Variants in RALGAPA2 observed in about 807,000 individuals in gnomAD.
The protein encoded by RALGAPA2 is ral GTPase-activating protein subunit alpha-2.
RALGAPA2 carries 139 observed loss-of-function variants against 230.4 expected under a neutral mutation model. The ratio of observed to expected loss-of-function variants is 0.60; its 90% CI spans 0.53 to 0.69. RALGAPA2 has a LOEUF of 0.69. Among genes scored for constraint, RALGAPA2 ranks in the 30% least tolerant of loss-of-function variants. RALGAPA2 has a pLI of 0.00. For missense variants in RALGAPA2, 2,163 were observed against 2,276.0 expected (o/e 0.95, Z 1.01); for synonymous variants, 847 against 837.8 (o/e 1.01, Z -0.19).
chr20:20,582,003 C>G (rs1013265653), intron 20 of RALGAPA2, among the ~76,000 whole-genome samples: 1 of 152,114 alleles, frequency 6.6e-6, no homozygotes, highest in South Asian at 2.1e-4. Context: ...TCTGGTCAGC[C>G]TTTCCCGCAC....
chr20:20,692,049 T>C (rs2068931397), intron 1 of RALGAPA2, among the ~76,000 whole-genome samples: 1 of 152,180 alleles, frequency 6.6e-6, no homozygotes, highest in African/African-American at 2.4e-5. Flanking sequence ...CTACCATGAA[T>C]GGAAGCTTCC....
intron 38 of RALGAPA2, among the ~76,000 whole-genome samples, chr20:20,402,903 G>A (rs2059876020): frequency 6.6e-6 from 1 of 152,166 alleles, no homozygotes. Flanking sequence ...TGACCTTCCT[G>A]TTCTTCCTGC....
intron 36 of RALGAPA2, among the ~76,000 whole-genome samples, chr20:20,473,787 G>A (rs1003277554): frequency 6.6e-6 from 1 of 151,954 alleles, no homozygotes; most frequent in African/African-American, 2.4e-5. Flanking sequence ...ATTTTATTCA[G>A]TAACATGCAG....
intron 36 of RALGAPA2, among the ~76,000 whole-genome samples, chr20:20,494,443 A>AT (rs2062147383): frequency 6.6e-6 from 1 of 152,268 alleles, no homozygotes; most frequent in Non-Finnish European, 1.5e-5. Flanking sequence ...TACATAAAGC[A>AT]TGGCTAAAAT....
intron 37 of RALGAPA2, among the ~76,000 whole-genome samples, chr20:20,465,630 G>A (rs769816025): frequency 1.3e-5 from 2 of 152,150 alleles, no homozygotes; most frequent in Non-Finnish European, 2.9e-5. Context: ...CTGAAGGGAT[G>A]GTCTTTTTTC....
At chr20:20,535,526 T>G (rs989482392) in intron 26 of RALGAPA2, among the ~76,000 whole-genome samples, 1 of 152,250 alleles carries the variant, frequency 6.6e-6, no homozygotes, top group African/African-American at 2.4e-5. Flanking sequence ...CACAAAATAG[T>G]GTACTATATA....
chr20:20,488,322 A>G (rs1339743973), intron 36 of RALGAPA2, among the ~76,000 whole-genome samples: 1 of 152,204 alleles, frequency 6.6e-6, no homozygotes, highest in East Asian at 1.9e-4. Flanking sequence ...AGAACTCACA[A>G]AAGTGTGGAG....
At chr20:20,708,031 A>T (rs2069678351) in intron 1 of RALGAPA2, among the ~76,000 whole-genome samples, 1 of 152,174 alleles carries the variant, frequency 6.6e-6, no homozygotes, top group Non-Finnish European at 1.5e-5. Flanking sequence ...CTTGAAAAAC[A>T]GCTAGTGTGA....
At chr20:20,417,744 A>G (rs149205455) in intron 37 of RALGAPA2, among the ~76,000 whole-genome samples, 1 of 152,256 alleles carries the variant, frequency 6.6e-6, no homozygotes, top group East Asian at 1.9e-4. Context: ...CACTCATACA[A>G]TCTAGCTTAA....
At chr20:20,458,162 G>C (rs1326884874) in intron 37 of RALGAPA2, among the ~76,000 whole-genome samples, 3 of 152,150 alleles carry the variant, frequency 2.0e-5, no homozygotes, top group Non-Finnish European at 4.4e-5. Context: ...CACTGAGTGA[G>C]AGAGTAACTG....
intron 38 of RALGAPA2, among the ~76,000 whole-genome samples, chr20:20,402,693 G>A (rs920643168): frequency 2.0e-5 from 3 of 152,192 alleles, no homozygotes; most frequent in Admixed American, 6.5e-5. Flanking sequence ...TACCTGTTGC[G>A]TGCCCAGAGA....
Position 20,712,485 on chromosome 20 carries a change from C to A in RALGAPA2, c.-5G>T. ...GTGGCTCCTTCGGGAGAACATCCCG[C>A]GGCAGGAAGCCCGGGCCCCGCCGGC... On this transcript the variant is annotated 5_prime_UTR_variant, in exon 1 of 40. Transcript: ENST00000202677. The surrounding 1 kb of genome is among the most constrained non-coding windows in gnomAD (Gnocchi z 5.5). The A allele has an allele frequency of 1.3e-6, 2 of 1,544,502 alleles. No individual in the cohort carries two copies. Among genetic ancestry groups the A allele is most frequent in the African/African-American group, 1.4e-5 (1 of 71,888 alleles).
chr20:20,439,491 G>A (rs1316605009), intron 37 of RALGAPA2, among the ~76,000 whole-genome samples: 1 of 152,150 alleles, frequency 6.6e-6, no homozygotes, highest in Non-Finnish European at 1.5e-5. Flanking sequence ...GGGATTATAG[G>A]TGTGAGCGAC....
intron 1 of RALGAPA2, among the ~76,000 whole-genome samples, chr20:20,691,799 G>A (rs2068921533): frequency 6.6e-6 from 1 of 152,182 alleles, no homozygotes; most frequent in South Asian, 2.1e-4. Flanking sequence ...CCTATTCCAA[G>A]TGATATAGTT....
At chr20:20,411,404 A>C (rs1381365731) in intron 38 of RALGAPA2, among the ~76,000 whole-genome samples, 1 of 152,230 alleles carries the variant, frequency 6.6e-6, no homozygotes, top group Admixed American at 6.5e-5. Context: ...AAACAAGGAA[A>C]TCTATGGAAA....
At chr20:20,695,515 G>C (rs2069077215) in intron 1 of RALGAPA2, among the ~76,000 whole-genome samples, 1 of 152,178 alleles carries the variant, frequency 6.6e-6, no homozygotes. Context: ...TTTCCTTGTT[G>C]TGCTTAAACC....
intron 2 of RALGAPA2, among the ~76,000 whole-genome samples, chr20:20,679,319 C>G (rs556486373): frequency 6.6e-6 from 1 of 152,252 alleles, no homozygotes; most frequent in African/African-American, 2.4e-5. Context: ...CCCTTATAAC[C>G]AAGTCTCATA....
At chr20:20,505,781 C>T (rs370009542) in intron 33 of RALGAPA2, among the ~76,000 whole-genome samples, 1 of 152,116 alleles carries the variant, frequency 6.6e-6, no homozygotes, top group East Asian at 1.9e-4. Context: ...GAAAGTGAAA[C>T]AAAAAGCACA....
At chr20:20,460,067 T>C (rs549806027) in intron 37 of RALGAPA2, among the ~76,000 whole-genome samples, 7 of 152,296 alleles carry the variant, frequency 4.6e-5, no homozygotes, top group Non-Finnish European at 7.3e-5. Flanking sequence ...CCGATGTTGG[T>C]TGCAGGAAGA....
Sources: gnomAD v4.1 joint callset for allele counts (sites outside exome capture counted in the v4.1 genomes callset) on GRCh38, gnomAD v4.1.1 for gene constraint, Gnocchi (gnomAD v3.1) non-coding constraint, MANE v1.5 for transcripts, NCBI Gene and HGNC (gene_info 2026-07-23, HGNC 2026-07-21) for gene names.